C12orf42: variants seen among roughly 807,000 people sequenced by gnomAD.
C12orf42 encodes the protein chromosome 12 open reading frame 42, also known as uncharacterized protein C12orf42.
Under a neutral mutation model 21.6 loss-of-function variants are expected in C12orf42, and 25 were observed. That is an observed-to-expected ratio of 1.16 (90% confidence interval 0.84 to 1.62). The LOEUF (loss-of-function observed/expected upper bound fraction) is 1.62, where lower values mean the gene tolerates loss of function less well. Ranked by LOEUF, C12orf42 falls within the 40% of genes most tolerant of loss-of-function variation. The probability of loss-of-function intolerance (pLI) is 0.00; values close to 1 mark genes in which losing one functional copy is unlikely to be tolerated. For missense variants in C12orf42, 483 were observed against 459.3 expected (o/e 1.05, Z -0.47); for synonymous variants, 174 against 175.0 (o/e 0.99, Z 0.05).
the C12orf42 span, among the ~76,000 whole-genome samples, chr12:103,114,984 A>G: frequency 2.0e-5 from 3 of 152,242 alleles, no homozygotes; most frequent in South Asian, 4.1e-4. Context: ...TTGTGTCTCA[A>G]TGTACTTGGT....
chr12:103,485,464 T>C (rs1954769675), intron 1 of C12orf42, among the ~76,000 whole-genome samples: 1 of 152,246 alleles, frequency 6.6e-6, no homozygotes, highest in South Asian at 2.1e-4. Flanking sequence ...GGCTCTTTTT[T>C]AGTTCCATAT....
At chr12:103,364,917 A>T (rs942015990) in intron 4 of C12orf42, among the ~76,000 whole-genome samples, 1 of 152,054 alleles carries the variant, frequency 6.6e-6, no homozygotes, top group Admixed American at 6.6e-5. Context: ...AAGAATTGGT[A>T]CCAATCCTAT....
At chr12:103,463,130 G>A (rs12813302) in intron 2 of C12orf42, among the ~76,000 whole-genome samples, 7,724 of 152,286 alleles carry the variant, frequency 0.051, 252 homozygotes, top group South Asian at 0.16. Flanking sequence ...GCTTACTGCA[G>A]TGCTAACACA....
At chr12:103,234,924 G>A (rs1462605459), downstream of C12orf42, among the ~76,000 whole-genome samples, 1 of 151,880 alleles carries the variant, frequency 6.6e-6, no homozygotes, top group South Asian at 2.1e-4. Context: ...AATTAATCTT[G>A]TTCATTTTTG....
At chr12:103,142,033 G>A in the C12orf42 span, among the ~76,000 whole-genome samples, 1 of 152,080 alleles carries the variant, frequency 6.6e-6, no homozygotes, top group East Asian at 1.9e-4. Context: ...AAACATCCTA[G>A]ACATTTAAAA....
rs552404985 is a variant in C12orf42, at chr12:103,302,664, G to A, written c.632-105C>T. On this transcript the variant is annotated intron_variant, in intron 5 of 5. Coordinates refer to ENST00000548883, the MANE Select transcript of C12orf42 (RefSeq NM_198521.5). ...CGTCTGAGAAATCAACATTTGTAAT[G>A]TGCTCAGAGGGGAAAGAAAAAAAAA... 62 of 804,106 alleles carry A rather than the reference G, an allele frequency of 7.7e-5. No homozygotes were observed. In the East Asian group the frequency reaches 1.6e-3, roughly 21 times the overall value. 49.8% of individuals were successfully genotyped at this position (804,106 alleles called of 1,614,324 possible).
Position 103,490,005 on chromosome 12 carries a change from A to G in C12orf42, c.-22+5897T>C, listed in dbSNP as rs1053969826. Among the ~76,000 whole-genome samples, 6 of 152,190 alleles carry G rather than the reference A, an allele frequency of 3.9e-5. 1 individual carries two copies. The highest frequency in any genetic ancestry group is 2.6e-4 in the Admixed American group (4 of 15,288). On this transcript the variant is annotated intron_variant, in intron 1 of 5. Transcript: ENST00000548883. Reference sequence around the variant, plus strand: ...AGATGACCCAGGTACCTCAGTTGGAAATGCAGAAATCACCCGTCTTCTGTG... The same window carrying G: ...AGATGACCCAGGTACCTCAGTTGGAGATGCAGAAATCACCCGTCTTCTGTG...
the C12orf42 span, among the ~76,000 whole-genome samples, chr12:103,537,088 C>CTGAA: frequency 0.05 from 7,618 of 151,758 alleles, 205 homozygotes; most frequent in South Asian, 0.075. Flanking sequence ...TTACTATTTT[C>CTGAA]TGAATGAATG....
intron 10 of C12orf42, among the ~76,000 whole-genome samples, chr12:103,249,577 A>G (rs1292585378): frequency 2.0e-5 from 3 of 151,936 alleles, no homozygotes; most frequent in Non-Finnish European, 4.4e-5. Flanking sequence ...AAATAAGAAA[A>G]TCTCCTATTC....
chr12:103,068,611 C>T, the C12orf42 span, among the ~76,000 whole-genome samples: 17 of 152,006 alleles, frequency 1.1e-4, no homozygotes, highest in South Asian at 1.5e-3. Context: ...GGCAGACCCA[C>T]CCTTAATCTG....
At chr12:103,497,108 A>C (rs1299986358), upstream of C12orf42, among the ~76,000 whole-genome samples, 1 of 152,188 alleles carries the variant, frequency 6.6e-6, no homozygotes, top group Non-Finnish European at 1.5e-5. Flanking sequence ...ATTTTTTTAA[A>C]TTTGCTGTGA....
At chr12:103,554,191 C>CA in the C12orf42 span, among the ~76,000 whole-genome samples, 1 of 151,920 alleles carries the variant, frequency 6.6e-6, no homozygotes, top group Non-Finnish European at 1.5e-5. Flanking sequence ...TGGTGGGTTC[C>CA]AAAAAACTAT....
chr12:103,062,175 T>C, the C12orf42 span, among the ~76,000 whole-genome samples: 1 of 151,652 alleles, frequency 6.6e-6, no homozygotes, highest in Non-Finnish European at 1.5e-5. Context: ...ATTTGTTCTA[T>C]TATTGTTTTA....
At chr12:103,203,755 T>TGTTGTTGC in the C12orf42 span, among the ~76,000 whole-genome samples, 7 of 151,980 alleles carry the variant, frequency 4.6e-5, no homozygotes, top group Admixed American at 1.3e-4. Flanking sequence ...AAAGGAGAGG[T>TGTTGTTGC]GTTGTTGCTT....
chr12:103,261,557 C>T (rs570053707), intron 10 of C12orf42, among the ~76,000 whole-genome samples: 3 of 151,414 alleles, frequency 2.0e-5, no homozygotes, highest in Non-Finnish European at 2.9e-5. Context: ...TTTGTATTTC[C>T]GTCTTCCATA....
chr12:103,367,776 A>C (rs972823772), intron 4 of C12orf42, among the ~76,000 whole-genome samples: 31 of 152,018 alleles, frequency 2.0e-4, no homozygotes, highest in African/African-American at 6.5e-4. Flanking sequence ...ATCCCCCCCC[A>C]AAAAAATTTT....
upstream of C12orf42, among the ~76,000 whole-genome samples, chr12:103,499,834 T>C (rs539687367): frequency 6.6e-6 from 1 of 152,240 alleles, no homozygotes; most frequent in Non-Finnish European, 1.5e-5. Context: ...TTATCAGACA[T>C]AAGAATGTGA....
At chr12:103,397,013 T>C (rs1593803988) in intron 3 of C12orf42, among the ~76,000 whole-genome samples, 2 of 152,336 alleles carry the variant, frequency 1.3e-5, no homozygotes, top group South Asian at 4.1e-4. Context: ...ATCTGTCTGA[T>C]CTGTGTGTCT....
intron 3 of C12orf42, among the ~76,000 whole-genome samples, chr12:103,379,725 C>T (rs1444658798): frequency 6.6e-6 from 1 of 152,168 alleles, no homozygotes; most frequent in Non-Finnish European, 1.5e-5. Flanking sequence ...TCCCAGGCTT[C>T]GCATTTCAGA....
Sources: allele counts gnomAD v4.1 joint callset (sites outside exome capture counted in the v4.1 genomes callset), GRCh38; gene constraint gnomAD v4.1.1; transcripts MANE v1.5; gene names NCBI Gene and HGNC (gene_info 2026-07-23, HGNC 2026-07-21).